The following LDLRAD4 variants were observed in gnomAD, a reference collection of about 807,000 sequenced individuals.
The protein encoded by LDLRAD4 is low density lipoprotein receptor class A domain containing 4, also known as low-density lipoprotein receptor class A domain-containing protein 4.
Under a neutral mutation model 17.0 loss-of-function variants are expected in LDLRAD4, and 5 were observed. The observed-to-expected ratio is 0.29, with a 90% CI of 0.15 to 0.62. The LOEUF (loss-of-function observed/expected upper bound fraction) is 0.62, where lower values mean the gene tolerates loss of function less well. LDLRAD4 is among the 20% of genes least tolerant of loss of function. LDLRAD4 has a pLI of 0.84. For synonymous variants in LDLRAD4, 168 were observed against 171.8 expected, an observed-to-expected ratio of 0.98 and a Z score of 0.17; for missense variants, 340 against 424.7, an observed-to-expected ratio of 0.80 and a Z score of 1.75.
chr18:13,284,257 G>A (rs1032513482), intron 1 of LDLRAD4, among the ~76,000 whole-genome samples: 1 of 152,154 alleles, frequency 6.6e-6, no homozygotes, highest in African/African-American at 2.4e-5. Context: ...TCAGAGGTGG[G>A]AAAGAGAAAC....
chr18:13,538,550 A>ATT, intron 3 of LDLRAD4, among the ~76,000 whole-genome samples: 1 of 150,274 alleles, frequency 6.7e-6, no homozygotes, highest in South Asian at 2.1e-4. Flanking sequence ...TTTTTGAGAC[A>ATT]AGGTCTCAGT....
chr18:13,646,872 C>G (rs1316671530), exon 6 of LDLRAD4: 2 of 152,524 alleles, frequency 1.3e-5, no homozygotes, highest in Non-Finnish European at 2.9e-5. Flanking sequence ...ACCCCACATC[C>G]AGCCTACACA....
Position 13,645,650 on chromosome 18 carries a change from T to C in LDLRAD4, c.914T>C (p.Leu305Pro). 6.6e-7 allele frequency: 1 copy of C among 1,513,216 alleles called. No homozygotes were observed. The highest frequency in any genetic ancestry group is 8.8e-7 in the Non-Finnish European group (1 of 1,132,232). 93.7% of individuals were successfully genotyped at this position (1,513,216 alleles called of 1,614,324 possible). ...GGCAAAGATAGGAAGCCTGGGAACCTGGTCTGATTCCTTCCAACGTGCACT... is the reference window on the plus strand; with the variant it reads ...GGCAAAGATAGGAAGCCTGGGAACCCGGTCTGATTCCTTCCAACGTGCACT... The change falls in exon 6 of 6, where the codon CTG becomes CCG. Residue 305 changes from leucine to proline, a missense_variant. By Grantham distance (98) the Leu-to-Pro change is moderately conservative. Transcript: ENST00000359446. This position sits in a 1 kb window ranked among gnomAD's most constrained non-coding sequence, Gnocchi z 5.7.
intron 1 of LDLRAD4, among the ~76,000 whole-genome samples, chr18:13,334,818 A>C (rs553932031): frequency 6.3e-4 from 95 of 151,712 alleles, no homozygotes; most frequent in African/African-American, 2.2e-3. Context: ...ATTAAGTATG[A>C]TATTAGCTGG....
At chr18:13,511,028 C>T (rs955212811) in intron 3 of LDLRAD4, among the ~76,000 whole-genome samples, 3 of 152,120 alleles carry the variant, frequency 2.0e-5, no homozygotes, top group South Asian at 2.1e-4. Flanking sequence ...GTTAGGAAAA[C>T]GGCAGTGATT....
In LDLRAD4 at chr18:13,603,397, G is replaced by A. The variant is rs533898138; in HGVS notation, c.182-17720G>A. On this transcript the variant is annotated intron_variant, in intron 3 of 5. Transcript: ENST00000359446. ...AGGAGCCTTCTGAAGGGTGGTCCTC[G>A]GATCGGCCACATTTAGAGTTGGACT... Among the ~76,000 whole-genome samples, 6 of 152,274 alleles carry A rather than the reference G, an allele frequency of 3.9e-5. No individual in the cohort carries two copies. The East Asian group carries it at 5.8e-4, about 15-fold the overall frequency.
chr18:13,651,512 C>T (rs183626280), exon 6 of LDLRAD4: 4 of 152,324 alleles, frequency 2.6e-5, no homozygotes, highest in African/African-American at 9.6e-5. Flanking sequence ...AAAGCAAACT[C>T]GGTTTTGCCA....
intron 4 of LDLRAD4, chr18:13,641,864 T>G: frequency 2.0e-6 from 2 of 985,462 alleles, no homozygotes; most frequent in Non-Finnish European, 2.4e-6. Context: ...TCACTACGTT[T>G]TCAGGAACCG....
In LDLRAD4 at chr18:13,499,214, T is replaced by C. The variant is rs564146354; in HGVS notation, c.181+60830T>C. On this transcript the variant is annotated intron_variant, in intron 3 of 5. Transcript: ENST00000359446. ...CTCACACACATCCCGCTGTGGATAC[T>C]GGAGAATCCTTCTCGCCACACACTT... 5.8e-4 allele frequency among the ~76,000 whole-genome samples: 86 copies of C among 147,664 alleles called. 1 individual carries two copies. Among genetic ancestry groups the C allele is most frequent in the African/African-American group, 2.1e-3 (84 of 39,378 alleles).
intron 2 of LDLRAD4, among the ~76,000 whole-genome samples, chr18:13,401,643 C>A (rs1459412862): frequency 2.0e-5 from 3 of 152,182 alleles, no homozygotes; most frequent in Non-Finnish European, 4.4e-5. Context: ...TCAGGAGAGT[C>A]TGGTGCAGGA....
At chr18:13,252,860 T>C (rs975350229) in intron 1 of LDLRAD4, among the ~76,000 whole-genome samples, 1 of 152,256 alleles carries the variant, frequency 6.6e-6, no homozygotes, top group Admixed American at 6.5e-5. Flanking sequence ...TGTTGCGCTG[T>C]TCCTAGAATA....
At chr18:13,633,701 G>A (rs889407532) in intron 4 of LDLRAD4, among the ~76,000 whole-genome samples, 14 of 146,726 alleles carry the variant, frequency 9.5e-5, no homozygotes, top group East Asian at 1.9e-4. Flanking sequence ...GGCAGCAGGA[G>A]CGGGGAGAAG....
At chr18:13,448,016 A>G (rs559501052) in intron 3 of LDLRAD4, among the ~76,000 whole-genome samples, 24 of 152,270 alleles carry the variant, frequency 1.6e-4, no homozygotes, top group African/African-American at 5.8e-4. Flanking sequence ...AGGGGGTGCT[A>G]AGAGAAAAGG....
At position 13,446,898 on chromosome 18, in the gene LDLRAD4, T is replaced by C. The variant is rs375302019; in HGVS notation, c.181+8514T>C. On this transcript the variant is annotated intron_variant, in intron 3 of 5. Coordinates refer to ENST00000359446, the Ensembl canonical transcript of LDLRAD4. ...TGTGCTGGGAGGGGTGGGGCCTGCC[T>C]CGGGGGCCTTCTGGCATTCAGCAGA... Among the ~76,000 whole-genome samples, 237 of 146,508 alleles carry C rather than the reference T, an allele frequency of 1.6e-3. 2 individuals carry two copies. Among genetic ancestry groups the C allele is most frequent in the African/African-American group, 5.5e-3 (219 of 39,636 alleles).
At chr18:13,258,799 G>C (rs2043644714) in intron 1 of LDLRAD4, among the ~76,000 whole-genome samples, 2 of 152,126 alleles carry the variant, frequency 1.3e-5, no homozygotes, top group South Asian at 4.1e-4. Flanking sequence ...TCTTTCTTTA[G>C]CTAGATTACC....
At chr18:13,546,500 C>T (rs1056927471) in intron 3 of LDLRAD4, among the ~76,000 whole-genome samples, 2 of 152,010 alleles carry the variant, frequency 1.3e-5, no homozygotes, top group Non-Finnish European at 2.9e-5. Flanking sequence ...TCCTGAGTAC[C>T]TGGGACTACA....
chr18:13,349,721 C>A (rs2082929820), intron 1 of LDLRAD4, among the ~76,000 whole-genome samples: 1 of 152,116 alleles, frequency 6.6e-6, no homozygotes, highest in African/African-American at 2.4e-5. Flanking sequence ...ACCTATCAAC[C>A]TGTCGTCTAG....
At chr18:13,620,248 T>A (rs916337012) in intron 3 of LDLRAD4, among the ~76,000 whole-genome samples, 1 of 152,230 alleles carries the variant, frequency 6.6e-6, no homozygotes. Context: ...ATGTGTGCTG[T>A]GAGCCCAGGG....
chr18:13,361,596 G>T (rs1211735622), intron 1 of LDLRAD4, among the ~76,000 whole-genome samples: 2 of 152,176 alleles, frequency 1.3e-5, no homozygotes, highest in East Asian at 1.9e-4. Flanking sequence ...GCCTCTTCAT[G>T]CTAGTTCTTT....
Sources: allele counts gnomAD v4.1 joint callset (sites outside exome capture counted in the v4.1 genomes callset), GRCh38; gene constraint gnomAD v4.1.1; non-coding constraint Gnocchi (gnomAD v3.1); transcripts MANE v1.5; gene names NCBI Gene and HGNC (gene_info 2026-07-23, HGNC 2026-07-21).